Variants in COBL observed in about 807,000 individuals in gnomAD.
COBL encodes cordon-bleu WH2 repeat protein, also known as protein cordon-bleu.
COBL carries 51 observed loss-of-function variants against 98.8 expected under a neutral mutation model. The observed-to-expected ratio is 0.52, with a 90% CI of 0.41 to 0.65. The LOEUF (loss-of-function observed/expected upper bound fraction) is 0.65. COBL is among the 30% of genes least tolerant of loss of function. COBL has a pLI of 0.00. For synonymous variants in COBL, 634 were observed against 651.7 expected, an observed-to-expected ratio of 0.97 and a Z score of 0.41; for missense variants, 1,617 against 1,617.5, an observed-to-expected ratio of 1.00 and a Z score of 0.01.
At chr7:51,217,358 T>TTTTTTTA (rs1793161030) in intron 2 of COBL, among the ~76,000 whole-genome samples, 3 of 149,432 alleles carry the variant, frequency 2.0e-5, no homozygotes, top group South Asian at 2.1e-4. Context: ...TTTTTTTTTT[T>TTTTTTTA]GAGATGGAGT....
At chr7:51,279,722 C>A (rs1217737307) in intron 1 of COBL, among the ~76,000 whole-genome samples, 1 of 152,172 alleles carries the variant, frequency 6.6e-6, no homozygotes, top group East Asian at 1.9e-4. Context: ...GACACGTATT[C>A]ATCATCATAG....
chr7:51,293,201 T>A (rs1391837258), intron 1 of COBL, among the ~76,000 whole-genome samples: 1 of 152,230 alleles, frequency 6.6e-6, no homozygotes, highest in Non-Finnish European at 1.5e-5. Context: ...CCCTGGCAGT[T>A]TTGTAAAACA....
At chr7:51,089,041 T>C (rs893877902) in intron 6 of COBL, among the ~76,000 whole-genome samples, 1 of 152,196 alleles carries the variant, frequency 6.6e-6, no homozygotes, top group Non-Finnish European at 1.5e-5. Flanking sequence ...GAGATCTTAC[T>C]GTTTCACATG....
At chr7:51,259,739 T>G in intron 1 of COBL, 1 of 744,198 alleles carries the variant, frequency 1.3e-6, no homozygotes, top group Non-Finnish European at 2.5e-6. Context: ...AGACTTCAGA[T>G]GTGGAAATAC....
intron 1 of COBL, among the ~76,000 whole-genome samples, chr7:51,312,770 C>T (rs558431574): frequency 6.6e-6 from 1 of 152,036 alleles, no homozygotes; most frequent in Non-Finnish European, 1.5e-5. Context: ...CTGGAGGTCA[C>T]GAGAAAACAC....
chr7:51,235,757 CA>C (rs1275197588), intron 1 of COBL, among the ~76,000 whole-genome samples: 4 of 152,086 alleles, frequency 2.6e-5, no homozygotes, highest in African/African-American at 9.7e-5. Context: ...AACACAAAAG[CA>C]CAACAAACAT....
chr7:51,242,086 C>A (rs114070427), intron 1 of COBL, among the ~76,000 whole-genome samples: 2 of 152,308 alleles, frequency 1.3e-5, no homozygotes, highest in African/African-American at 4.8e-5. Flanking sequence ...TCTTCATTTG[C>A]GTAAGAGTAT....
intron 6 of COBL, among the ~76,000 whole-genome samples, chr7:51,121,058 G>A (rs1232816660): frequency 6.6e-6 from 1 of 152,080 alleles, no homozygotes; most frequent in Non-Finnish European, 1.5e-5. Flanking sequence ...TAGATCCTAT[G>A]GGGAATTCTA....
intron 6 of COBL, among the ~76,000 whole-genome samples, chr7:51,104,528 C>T (rs961978783): frequency 1.3e-5 from 2 of 152,178 alleles, no homozygotes; most frequent in Non-Finnish European, 2.9e-5. Flanking sequence ...AAAAATACTA[C>T]CTGCCTCCCT....
At chr7:51,098,527 A>G (rs1795518446) in intron 6 of COBL, among the ~76,000 whole-genome samples, 1 of 152,204 alleles carries the variant, frequency 6.6e-6, no homozygotes. Context: ...AGTTTCTTCA[A>G]CAAATGGTGT....
intron 1 of COBL, among the ~76,000 whole-genome samples, chr7:51,248,197 A>G (rs1308275416): frequency 1.3e-5 from 2 of 152,218 alleles, no homozygotes; most frequent in African/African-American, 2.4e-5. Flanking sequence ...AGAGTTTAAT[A>G]TAAAGAATTT....
chr7:51,056,790 T>C (rs989816920), intron 7 of COBL, among the ~76,000 whole-genome samples: 2 of 149,048 alleles, frequency 1.3e-5, no homozygotes, highest in African/African-American at 5.0e-5. Flanking sequence ...CTAATAACTA[T>C]GCTTGTATAC....
Position 51,208,377 on chromosome 7 carries a change from G to A in COBL, c.245+11364C>T, listed in dbSNP as rs1221997542. Among the ~76,000 whole-genome samples the A allele has an allele frequency of 3.7e-5, 5 of 134,396 alleles. 1 individual carries two copies. The South Asian group carries it at 1.2e-3, about 33-fold the overall frequency. The allele number at this position is 134,396 out of a possible 152,430, so 88.2% of individuals were successfully genotyped here. A position where few individuals can be genotyped will look rare whatever the true frequency, so the allele number is the denominator to read the frequency against. ...CCCGCCAGGCCAGCCGCCCCGTCTG[G>A]GAGGGAGGTGGGGGGGGTCAGCCCC... On this transcript the variant is annotated intron_variant, in intron 2 of 12. Coordinates refer to ENST00000265136, the MANE Select transcript of COBL (RefSeq NM_015198.5).
intron 1 of COBL, among the ~76,000 whole-genome samples, chr7:51,252,460 T>G (rs10258635): frequency 0.05 from 7,649 of 152,206 alleles, 637 homozygotes; most frequent in African/African-American, 0.17. Context: ...TTCTGGACAT[T>G]TCACATAAGT....
intron 5 of COBL, among the ~76,000 whole-genome samples, chr7:51,170,171 T>G (rs1268820883): frequency 6.6e-6 from 1 of 151,682 alleles, no homozygotes; most frequent in East Asian, 1.9e-4. Context: ...TTTCCTACTG[T>G]ATACAATGAA....
chr7:51,155,347 T>C (rs922520701), intron 5 of COBL, among the ~76,000 whole-genome samples: 3 of 151,898 alleles, frequency 2.0e-5, no homozygotes, highest in Non-Finnish European at 1.5e-5. Context: ...CCCAGCACTT[T>C]GGGAGGCTGA....
chr7:51,096,176 A>G (rs1187673012), intron 6 of COBL, among the ~76,000 whole-genome samples: 1 of 152,184 alleles, frequency 6.6e-6, no homozygotes, highest in East Asian at 1.9e-4. Context: ...TTTTCTGACT[A>G]TAAATAATGG....
At chr7:51,108,843 C>G (rs942055720) in intron 6 of COBL, among the ~76,000 whole-genome samples, 50 of 151,876 alleles carry the variant, frequency 3.3e-4, no homozygotes, top group Non-Finnish European at 8.8e-5. Context: ...CTCTCCAGTA[C>G]CTCCTTATCA....
intron 1 of COBL, 32 bp from the exon 2 acceptor site, chr7:51,219,976 A>G (rs1329806766): frequency 1.3e-6 from 2 of 1,589,760 alleles, no homozygotes; most frequent in African/African-American, 2.7e-5. Flanking sequence ...GCACAGAGTC[A>G]GTGGCAATGT....
Sources: gnomAD v4.1 joint callset for allele counts (sites outside exome capture counted in the v4.1 genomes callset) on GRCh38, gnomAD v4.1.1 for gene constraint, MANE v1.5 for transcripts, NCBI Gene and HGNC (gene_info 2026-07-23, HGNC 2026-07-21) for gene names.